FUT8: variants seen among roughly 807,000 people sequenced by gnomAD.
FUT8 encodes the protein fucosyltransferase 8, also known as alpha-(1,6)-fucosyltransferase.
Under a neutral mutation model 71.3 loss-of-function variants are expected in FUT8, and 29 were observed. The observed-to-expected ratio is 0.41, with a 90% CI of 0.30 to 0.55. FUT8 has a LOEUF of 0.55. Ranked by LOEUF, FUT8 falls within the 20% of genes least tolerant of loss-of-function variation. The probability of loss-of-function intolerance (pLI) is 0.34; values close to 1 mark genes in which losing one functional copy is unlikely to be tolerated. For missense variants in FUT8, 544 were observed against 702.1 expected (o/e 0.77, Z 2.55); for synonymous variants, 254 against 239.3 (o/e 1.06, Z -0.57).
intron 3 of FUT8, among the ~76,000 whole-genome samples, chr14:65,577,434 C>T (rs1886850849): frequency 6.6e-6 from 1 of 152,042 alleles, no homozygotes; most frequent in African/African-American, 2.4e-5. Context: ...TTTTGATCTT[C>T]AGTTTCTTCA....
intron 6 of FUT8, among the ~76,000 whole-genome samples, chr14:65,642,787 T>G (rs73268540): frequency 0.015 from 2,280 of 152,272 alleles, 59 homozygotes; most frequent in African/African-American, 0.051. Flanking sequence ...CATTTAAATT[T>G]TAGAATCAAC....
At chr14:65,654,610 T>C (rs776215868) in intron 6 of FUT8, among the ~76,000 whole-genome samples, 4 of 151,118 alleles carry the variant, frequency 2.6e-5, no homozygotes, top group Non-Finnish European at 5.9e-5. Flanking sequence ...AAAAGCTCTA[T>C]AAAAAGATAT....
intron 2 of FUT8, among the ~76,000 whole-genome samples, chr14:65,557,941 C>T (rs1885683735): frequency 1.3e-5 from 2 of 152,106 alleles, no homozygotes; most frequent in Non-Finnish European, 2.9e-5. Flanking sequence ...AAAGGCTGAA[C>T]ATACTTTCTT....
At chr14:65,557,735 G>C (rs573284129) in intron 2 of FUT8, among the ~76,000 whole-genome samples, 2 of 152,094 alleles carry the variant, frequency 1.3e-5, no homozygotes, top group Admixed American at 1.3e-4. Flanking sequence ...GTATTTTGCA[G>C]AAGGGTACTT....
At chr14:65,570,915 A>T (rs1449942393) in intron 3 of FUT8, among the ~76,000 whole-genome samples, 1 of 152,090 alleles carries the variant, frequency 6.6e-6, no homozygotes, top group Non-Finnish European at 1.5e-5. Flanking sequence ...TATTTCAACC[A>T]TTCACACACT....
intron 2 of FUT8, among the ~76,000 whole-genome samples, chr14:65,557,759 T>C (rs181119402): frequency 9.2e-5 from 14 of 152,228 alleles, no homozygotes; most frequent in Non-Finnish European, 1.9e-4. Context: ...GAGTCTTAAG[T>C]AGTAATAAAT....
chr14:65,529,665 A>G (rs535030556), intron 2 of FUT8: 5 of 152,648 alleles, frequency 3.3e-5, no homozygotes, highest in African/African-American at 9.6e-5. Flanking sequence ...GTGCATGAAT[A>G]TGTAGTCCCA....
chr14:65,725,665 A>G (rs1375327604), intron 9 of FUT8, among the ~76,000 whole-genome samples: 3 of 152,338 alleles, frequency 2.0e-5, no homozygotes, highest in South Asian at 2.1e-4. Context: ...TCACTAGATT[A>G]TAAGTACTTT....
At chr14:65,563,487 T>A (rs1886025411) in intron 3 of FUT8, among the ~76,000 whole-genome samples, 1 of 152,026 alleles carries the variant, frequency 6.6e-6, no homozygotes, top group Non-Finnish European at 1.5e-5. Flanking sequence ...ACCTAAACTC[T>A]GAATAACTGT....
chr14:65,726,260 T>A (rs891288794), intron 9 of FUT8, among the ~76,000 whole-genome samples: 6 of 152,264 alleles, frequency 3.9e-5, no homozygotes, highest in Non-Finnish European at 7.3e-5. Context: ...TCACAAGCTT[T>A]TTTCCTTGTT....
intron 2 of FUT8, among the ~76,000 whole-genome samples, chr14:65,524,801 C>CAG (rs1883333783): frequency 1.3e-5 from 2 of 152,074 alleles, no homozygotes; most frequent in Admixed American, 1.3e-4. Flanking sequence ...TGAATTTTGT[C>CAG]AAAGGCCTTT....
At chr14:65,619,725 C>G (rs913044267) in intron 5 of FUT8, among the ~76,000 whole-genome samples, 1 of 152,042 alleles carries the variant, frequency 6.6e-6, no homozygotes, top group Non-Finnish European at 1.5e-5. Flanking sequence ...ATATTGATAT[C>G]AAGTTTTAGC....
chr14:65,663,377 T>C (rs1428874993), intron 6 of FUT8, among the ~76,000 whole-genome samples: 1 of 152,146 alleles, frequency 6.6e-6, no homozygotes, highest in South Asian at 2.1e-4. Flanking sequence ...TGCTTTATTT[T>C]TTTTTTCTAG....
chr14:65,469,312 AT>A (rs1030029145), intron 2 of FUT8, among the ~76,000 whole-genome samples: 1 of 151,902 alleles, frequency 6.6e-6, no homozygotes, highest in African/African-American at 2.4e-5. Context: ...GTGCCTCATA[AT>A]TTTTTTTCAT....
intron 2 of FUT8, among the ~76,000 whole-genome samples, chr14:65,522,598 G>A (rs1029738854): frequency 6.6e-6 from 1 of 152,118 alleles, no homozygotes; most frequent in Non-Finnish European, 1.5e-5. Flanking sequence ...TATACTTTAA[G>A]TTCCAGGGTA....
chr14:65,703,680 G>A (rs574418915), intron 7 of FUT8, among the ~76,000 whole-genome samples: 2 of 152,326 alleles, frequency 1.3e-5, no homozygotes, highest in South Asian at 4.1e-4. Flanking sequence ...GATACATTGT[G>A]CAGTCTGAGA....
the FUT8 span, among the ~76,000 whole-genome samples, chr14:65,393,960 T>C: frequency 6.6e-6 from 1 of 151,902 alleles, no homozygotes; most frequent in East Asian, 1.9e-4. Context: ...CCCTTATCAT[T>C]ATTATTATTA....
chr14:65,598,946 A>G (rs142926649), intron 3 of FUT8, among the ~76,000 whole-genome samples: 1 of 152,036 alleles, frequency 6.6e-6, no homozygotes, highest in South Asian at 2.1e-4. Flanking sequence ...ATGCACCACC[A>G]CGCCTGGCTA....
chr14:65,364,763 A>C, the FUT8 span, among the ~76,000 whole-genome samples: 2 of 152,164 alleles, frequency 1.3e-5, no homozygotes, highest in Non-Finnish European at 2.9e-5. Context: ...AATCTTGCCA[A>C]GATAGAATCT....
Sources: gnomAD v4.1 joint callset for allele counts (sites outside exome capture counted in the v4.1 genomes callset) on GRCh38, gnomAD v4.1.1 for gene constraint, MANE v1.5 for transcripts, NCBI Gene and HGNC (gene_info 2026-07-23, HGNC 2026-07-21) for gene names.